The following PPFIA2 variants were observed in gnomAD, a reference collection of about 807,000 sequenced individuals.
The protein encoded by PPFIA2 is PPFI scaffold protein A2.
In PPFIA2, 46 loss-of-function variants were observed where a neutral mutation model predicts 175.5. The observed-to-expected ratio is 0.26, with a 90% confidence interval of 0.21 to 0.34. The LOEUF is 0.34. PPFIA2 is among the 10% of genes least tolerant of loss of function. The pLI is 1.00. For missense variants in PPFIA2, 1,179 were observed against 1,506.1 expected (o/e 0.78, Z 3.60); for synonymous variants, 568 against 511.4 (o/e 1.11, Z -1.49).
At chr12:81,578,260 C>CATAAATAT (rs1567417035) in intron 4 of PPFIA2, among the ~76,000 whole-genome samples, 1 of 151,528 alleles carries the variant, frequency 6.6e-6, no homozygotes, top group African/African-American at 2.4e-5. Context: ...ACAAGGTGAC[C>CATAAATAT]TCTAATTTAA....
intron 8 of PPFIA2, among the ~76,000 whole-genome samples, chr12:81,387,802 G>T (rs994384048): frequency 3.9e-5 from 6 of 152,034 alleles, no homozygotes; most frequent in Non-Finnish European, 8.8e-5. Context: ...CAGATCTTGG[G>T]TGCTGCCTAA....
In PPFIA2 at chr12:81,308,079, T is replaced by C. The variant is rs190853689; in HGVS notation, c.2643-8697A>G. Among the ~76,000 whole-genome samples, 42 of 152,334 alleles carry C rather than the reference T, an allele frequency of 2.8e-4. 1 individual carries two copies. The highest frequency in any genetic ancestry group is 2.6e-3 in the Admixed American group (40 of 15,298). On this transcript the variant is annotated intron_variant, in intron 22 of 32. Coordinates refer to ENST00000549396, the MANE Select transcript of PPFIA2 (RefSeq NM_003625.5). The stretch of plus-strand genomic sequence containing the variant: ...GTACTTATTATACTTTCACTTAAAA[T>C]TTAAAATGTAATCTAAATATAATTA...
intron 4 of PPFIA2, among the ~76,000 whole-genome samples, chr12:81,636,260 C>T (rs946672929): frequency 1.0e-4 from 14 of 139,252 alleles, no homozygotes; most frequent in African/African-American, 3.7e-4. Context: ...TCATAACTCT[C>T]TGATTTTTTT....
At chr12:81,700,088 C>T (rs2076326319) in intron 3 of PPFIA2, among the ~76,000 whole-genome samples, 3 of 151,900 alleles carry the variant, frequency 2.0e-5, no homozygotes, top group African/African-American at 7.2e-5. Context: ...TTCATGGATG[C>T]CTCTTCACCT....
intron 4 of PPFIA2, among the ~76,000 whole-genome samples, chr12:81,582,740 AT>A (rs1211379573): frequency 6.6e-6 from 1 of 151,844 alleles, no homozygotes; most frequent in African/African-American, 2.4e-5. Flanking sequence ...GTAAAAAAAA[AT>A]CTTCAAATTT....
intron 3 of PPFIA2, among the ~76,000 whole-genome samples, chr12:81,741,293 A>T (rs1267665424): frequency 6.6e-6 from 1 of 152,208 alleles, no homozygotes; most frequent in African/African-American, 2.4e-5. Context: ...GGCTCGATGA[A>T]TTATATTTGT....
chr12:81,686,211 C>T (rs990839712), intron 3 of PPFIA2, among the ~76,000 whole-genome samples: 1 of 152,048 alleles, frequency 6.6e-6, no homozygotes, highest in African/African-American at 2.4e-5. Context: ...TCTGAGGTGG[C>T]TGATATCCTC....
At chr12:81,741,635 A>AT (rs11325864) in intron 3 of PPFIA2, among the ~76,000 whole-genome samples, 16 of 145,604 alleles carry the variant, frequency 1.1e-4, no homozygotes, top group Admixed American at 5.5e-4. Context: ...TTTTTTGGTG[A>AT]TTTTTTTTTT....
At chr12:81,480,943 T>A (rs946440534) in intron 4 of PPFIA2, among the ~76,000 whole-genome samples, 6 of 152,128 alleles carry the variant, frequency 3.9e-5, no homozygotes, top group Non-Finnish European at 8.8e-5. Flanking sequence ...AGAGAGGAAG[T>A]CAAATTGTCT....
chr12:81,744,750 T>C (rs759449830), intron 3 of PPFIA2, among the ~76,000 whole-genome samples: 1 of 152,200 alleles, frequency 6.6e-6, no homozygotes, highest in Non-Finnish European at 1.5e-5. Flanking sequence ...CTATTGTCCA[T>C]GTCTTTTAAA....
chr12:81,658,843 T>G (rs1011016425), intron 4 of PPFIA2, among the ~76,000 whole-genome samples: 1 of 152,024 alleles, frequency 6.6e-6, no homozygotes, highest in Non-Finnish European at 1.5e-5. Context: ...ACATTTGCAA[T>G]TTCTATGGTT....
chr12:81,754,561 C>G (rs2084348795), intron 2 of PPFIA2, among the ~76,000 whole-genome samples: 1 of 152,178 alleles, frequency 6.6e-6, no homozygotes, highest in Non-Finnish European at 1.5e-5. Context: ...TATTTCATCA[C>G]CTTTCTTATC....
chr12:81,507,226 C>G (rs1031493663), intron 4 of PPFIA2, among the ~76,000 whole-genome samples: 4 of 152,052 alleles, frequency 2.6e-5, no homozygotes, highest in Non-Finnish European at 5.9e-5. Flanking sequence ...CCAGACAAAT[C>G]CGCTTAGGTC....
At chr12:81,587,066 C>T (rs2075395537) in intron 4 of PPFIA2, among the ~76,000 whole-genome samples, 1 of 151,874 alleles carries the variant, frequency 6.6e-6, no homozygotes, top group Non-Finnish European at 1.5e-5. Context: ...AATAATTTCA[C>T]TTGCTTATAG....
chr12:81,337,937 C>G (rs1305794913), intron 21 of PPFIA2, among the ~76,000 whole-genome samples: 1 of 152,004 alleles, frequency 6.6e-6, no homozygotes, highest in Non-Finnish European at 1.5e-5. Context: ...TATGTATAGC[C>G]TAAAGAGTTC....
Position 81,405,844 on chromosome 12 carries a change from TC to T in PPFIA2, c.704del (p.Gly235AspfsTer27). On this transcript the variant is annotated frameshift_variant, in exon 8 of 33. Coordinates refer to ENST00000549396, the MANE Select transcript of PPFIA2 (RefSeq NM_003625.5). LOFTEE classifies it high-confidence loss of function. Reference protein sequence around the residue: ...HIQRKMASSEGSTESEHLEGM... With the variant: ...HIQRKMASSEXSTESEHLEGM... ...CTTCAAGATGTTCTGACTCTGTGGATCCCTCGCTTGATGCCATTTTTCTTTG... is the reference window on the plus strand; with the variant it reads ...CTTCAAGATGTTCTGACTCTGTGGATCCTCGCTTGATGCCATTTTTCTTTG... 2 of 1,582,528 alleles carry T rather than the reference TC, an allele frequency of 1.3e-6. No individual in the cohort carries two copies. The highest frequency in any genetic ancestry group is 8.6e-7 in the Non-Finnish European group (1 of 1,162,292).
intron 21 of PPFIA2, among the ~76,000 whole-genome samples, chr12:81,328,935 C>T (rs2055473279): frequency 6.6e-6 from 1 of 151,426 alleles, no homozygotes; most frequent in Non-Finnish European, 1.5e-5. Flanking sequence ...TCCCAAGTAG[C>T]TGGGACTATA....
At chr12:81,541,479 A>G (rs1197464182) in intron 4 of PPFIA2, among the ~76,000 whole-genome samples, 1 of 152,136 alleles carries the variant, frequency 6.6e-6, no homozygotes, top group Non-Finnish European at 1.5e-5. Flanking sequence ...TATAAACTCA[A>G]AGAAGAAATA....
chr12:81,568,249 A>G (rs1375086841), intron 4 of PPFIA2, among the ~76,000 whole-genome samples: 2 of 152,280 alleles, frequency 1.3e-5, no homozygotes, highest in Admixed American at 6.5e-5. Flanking sequence ...TGCAGGGTAC[A>G]GGTCATATAT....
Sources: gnomAD v4.1 joint callset for allele counts (sites outside exome capture counted in the v4.1 genomes callset) on GRCh38, gnomAD v4.1.1 for gene constraint, MANE v1.5 for transcripts, NCBI Gene and HGNC (gene_info 2026-07-23, HGNC 2026-07-21) for gene names.